The following VPS13C variants were observed in gnomAD, a reference collection of about 807,000 sequenced individuals.
VPS13C encodes the protein vacuolar protein sorting 13 homolog C.
A neutral mutation model predicts 456.8 loss-of-function variants in VPS13C; 358 were observed. The observed-to-expected ratio is 0.78, with a 90% confidence interval of 0.72 to 0.86. VPS13C has a LOEUF of 0.86. VPS13C is among the 40% of genes least tolerant of loss of function. The probability of loss-of-function intolerance (pLI) is 0.00; values close to 1 mark genes in which losing one functional copy is unlikely to be tolerated. For missense variants in VPS13C, 4,818 were observed against 4,385.4 expected (o/e 1.10, Z -2.79); for synonymous variants, 1,578 against 1,486.7 (o/e 1.06, Z -1.41).
chr15:61,856,846 T>C (rs1052306), intron 82 of VPS13C: 9,177 of 160,136 alleles, frequency 0.057, 328 homozygotes, highest in Non-Finnish European at 0.078. Context: ...TGCTCTTTAC[T>C]GTCAGCCATT....
At chr15:61,990,346 C>T (rs998310953) in intron 18 of VPS13C, among the ~76,000 whole-genome samples, 7 of 151,938 alleles carry the variant, frequency 4.6e-5, no homozygotes, top group African/African-American at 1.7e-4. Context: ...CACCTGTTCC[C>T]TTTTTAGTCA....
chr15:61,950,641 G>T (rs1272255078), intron 40 of VPS13C, among the ~76,000 whole-genome samples: 1 of 151,410 alleles, frequency 6.6e-6, no homozygotes, highest in Non-Finnish European at 1.5e-5. Flanking sequence ...ATCCTACTGT[G>T]GAGGAAATGC....
intron 67 of VPS13C, among the ~76,000 whole-genome samples, chr15:61,887,039 T>C (rs761102077): frequency 6.6e-5 from 10 of 152,190 alleles, no homozygotes; most frequent in South Asian, 2.1e-4. Context: ...CACCTCAACA[T>C]AGTACTGGAA....
intron 23 of VPS13C, among the ~76,000 whole-genome samples, chr15:61,977,804 G>C (rs1195937842): frequency 2.6e-5 from 4 of 151,904 alleles, no homozygotes; most frequent in Non-Finnish European, 1.5e-5. Flanking sequence ...TTATTCTTAA[G>C]TAAATACAAA....
chr15:61,921,638 C>T (rs1022847588), intron 55 of VPS13C, among the ~76,000 whole-genome samples: 1 of 151,976 alleles, frequency 6.6e-6, no homozygotes, highest in African/African-American at 2.4e-5. Flanking sequence ...TTTAAAAATA[C>T]AGTGAGAAGA....
Position 61,967,411 on chromosome 15 carries a change from G to A in VPS13C, c.2948C>T (p.Ser983Phe), listed in dbSNP as rs200799568. 1.2e-6 allele frequency: 2 copies of A among 1,605,708 alleles called. No individual in the cohort carries two copies. Among genetic ancestry groups the A allele is most frequent in the Non-Finnish European group, 1.7e-6 (2 of 1,176,258 alleles). ...CAAAAGATCTAATCCAGGTTTGTCA[G>A]AAGAGCTAATCAAGTGAAGGGGCTT... ...KRKPLHLISS[S>F]DKPGLDLLKV... The change falls in exon 29 of 85, where the codon TCT (serine) becomes TTT (phenylalanine). Residue 983 changes from serine to phenylalanine, a missense_variant. Ser to Phe is a radical substitution (Grantham distance 155). Coordinates refer to ENST00000644861, the MANE Select transcript of VPS13C (RefSeq NM_020821.3).
chr15:61,896,638 C>CT (rs1241563316), intron 66 of VPS13C, among the ~76,000 whole-genome samples: 1 of 152,214 alleles, frequency 6.6e-6, no homozygotes, highest in Non-Finnish European at 1.5e-5. Flanking sequence ...GCACAGCAGT[C>CT]TGAGATCAAA....
At chr15:62,041,444 A>G in intron 2 of VPS13C, 78 bp from the exon 3 acceptor site, 1 of 1,361,116 alleles carries the variant, frequency 7.3e-7, no homozygotes. Flanking sequence ...GTGATCATTT[A>G]AATACACATG....
At chr15:61,934,586 G>A (rs531872459) in intron 48 of VPS13C, among the ~76,000 whole-genome samples, 95 of 152,016 alleles carry the variant, frequency 6.2e-4, no homozygotes, top group African/African-American at 2.3e-3. Flanking sequence ...TTTTTAAAGA[G>A]GAGGCCTTAA....
At position 61,869,116 on chromosome 15, in the gene VPS13C, CTTTTTTT is replaced by C. The variant is rs68084709; in HGVS notation, c.10749-350_10749-344del. 4.4e-3 allele frequency among the ~76,000 whole-genome samples: 578 copies of C among 131,336 alleles called. 3 individuals carry two copies. Among genetic ancestry groups the C allele is most frequent in the African/African-American group, 0.016 (522 of 33,418 alleles). 86.2% of individuals were successfully genotyped at this position (131,336 alleles called of 152,430 possible). ...ATATGTCTCTTTTCTTTTCTTTTTT[CTTTTTTT>C]TTTTTTTTTTTTGAGACAAAGTCTC... On this transcript the variant is annotated intron_variant, in intron 80 of 84. Coordinates refer to ENST00000644861, the MANE Select transcript of VPS13C (RefSeq NM_020821.3).
intron 61 of VPS13C, among the ~76,000 whole-genome samples, chr15:61,915,130 A>C (rs564066481): frequency 6.6e-6 from 1 of 152,124 alleles, no homozygotes; most frequent in Admixed American, 6.6e-5. Context: ...CAGCATATAC[A>C]AAAGCCTAGA....
chr15:61,939,536 T>C (rs1189805568), intron 47 of VPS13C, among the ~76,000 whole-genome samples: 1 of 152,178 alleles, frequency 6.6e-6, no homozygotes, highest in Non-Finnish European at 1.5e-5. Flanking sequence ...TTGTTTGGTT[T>C]TGTTTAGTCT....
chr15:62,058,025 T>C (rs939130136), intron 1 of VPS13C, among the ~76,000 whole-genome samples: 2 of 152,226 alleles, frequency 1.3e-5, no homozygotes, highest in Non-Finnish European at 2.9e-5. Flanking sequence ...TATTATAACA[T>C]TGAAATATGA....
chr15:61,882,950 T>A (rs926264054), intron 68 of VPS13C, among the ~76,000 whole-genome samples: 5 of 152,088 alleles, frequency 3.3e-5, no homozygotes, highest in African/African-American at 7.2e-5. Context: ...ACTTTTCAAG[T>A]ATAGAAACTA....
chr15:61,863,718 G>T (rs1347127676), intron 81 of VPS13C, 190 bp from the exon 82 acceptor site: 2 of 414,262 alleles, frequency 4.8e-6, no homozygotes, highest in Admixed American at 4.3e-5. Context: ...TTCCACTGTT[G>T]CCTTAAAAGA....
chr15:61,863,252 G>A (rs1486804170), intron 82 of VPS13C, among the ~76,000 whole-genome samples, 188 bp downstream of exon 82: 1 of 152,064 alleles, frequency 6.6e-6, no homozygotes, highest in Non-Finnish European at 1.5e-5. Context: ...AGATGAGGAG[G>A]TCGGAAAAGA....
chr15:62,039,035 AG>A (rs1452103209), intron 3 of VPS13C, among the ~76,000 whole-genome samples: 2 of 152,212 alleles, frequency 1.3e-5, no homozygotes, highest in Admixed American at 1.3e-4. Context: ...TATGGAAAAC[AG>A]TACGGAGATA....
intron 1 of VPS13C, among the ~76,000 whole-genome samples, chr15:62,048,617 C>G (rs1192517262): frequency 6.6e-6 from 1 of 151,956 alleles, no homozygotes; most frequent in South Asian, 2.1e-4. Flanking sequence ...GGGTATATAC[C>G]CAGTAATGGG....
intron 32 of VPS13C, among the ~76,000 whole-genome samples, chr15:61,963,196 G>A (rs895257283): frequency 2.0e-5 from 3 of 151,916 alleles, no homozygotes; most frequent in Admixed American, 6.6e-5. Context: ...TAGTAGATGC[G>A]CTGCCAGTTT....
Sources: allele counts gnomAD v4.1 joint callset (sites outside exome capture counted in the v4.1 genomes callset), GRCh38; gene constraint gnomAD v4.1.1; transcripts MANE v1.5; gene names NCBI Gene and HGNC (gene_info 2026-07-23, HGNC 2026-07-21).